AP1S3: variants seen among roughly 807,000 people sequenced by gnomAD.
AP1S3 encodes the protein adaptor related protein complex 1 subunit sigma 3.
A neutral mutation model predicts 20.9 loss-of-function variants in AP1S3; 10 were observed. The observed-to-expected ratio is 0.48, with a 90% confidence interval of 0.29 to 0.81. AP1S3 has a LOEUF of 0.81. Among genes scored for constraint, AP1S3 ranks in the 30% least tolerant of loss-of-function variants. AP1S3 has a pLI of 0.08. For synonymous variants in AP1S3, 41 were observed against 61.5 expected (o/e 0.67, Z 1.56); for missense variants, 154 against 183.8 (o/e 0.84, Z 0.94).
chr2:223,806,409 G>A (rs180811934), intron 1 of AP1S3, among the ~76,000 whole-genome samples: 76 of 149,526 alleles, frequency 5.1e-4, no homozygotes, highest in African/African-American at 1.8e-3. Context: ...TCAACCTCTC[G>A]AGTAGGTGGG....
intron 1 of AP1S3, among the ~76,000 whole-genome samples, chr2:223,835,725 C>T (rs1391864861): frequency 6.6e-6 from 1 of 152,180 alleles, no homozygotes; most frequent in Non-Finnish European, 1.5e-5. Flanking sequence ...AAACTTCCCA[C>T]ATTTCTGATC....
At chr2:223,786,766 A>G (rs1016753590) in intron 1 of AP1S3, among the ~76,000 whole-genome samples, 1 of 152,074 alleles carries the variant, frequency 6.6e-6, no homozygotes, top group African/African-American at 2.4e-5. Flanking sequence ...TTAGCCAGGC[A>G]TGGTGGCACA....
intron 1 of AP1S3, among the ~76,000 whole-genome samples, chr2:223,836,923 A>G (rs1348656214): frequency 3.9e-5 from 6 of 152,046 alleles, no homozygotes. Flanking sequence ...ATCCACCTGT[A>G]GCGCCCCTCC....
At position 223,770,195 on chromosome 2, in the gene AP1S3, A is replaced by T. The variant is rs778804019; in HGVS notation, c.292-4845T>A. 1.4e-5 allele frequency: 22 copies of T among 1,550,698 alleles called. No homozygotes were observed. The African/African-American group carries it at 1.9e-4, about 14-fold the overall frequency. On this transcript the variant is annotated intron_variant, in intron 3 of 4. Coordinates refer to ENST00000396654, the MANE Select transcript of AP1S3 (RefSeq NM_001039569.2). The stretch of plus-strand genomic sequence containing the variant: ...AAGAAGGTATGAGAAGAAAGCAGTT[A>T]CCAGAGGTCAGAAAAGGCAGAAGTC...
Position 223,816,553 on chromosome 2 carries a change from T to C in AP1S3, c.3+20895A>G, listed in dbSNP as rs187329382. ...ACAGGAGACCGTGGATAGGGTCCCATAATACCTATGTCAATGACTGAGCCC... is the reference window on the plus strand; with the variant it reads ...ACAGGAGACCGTGGATAGGGTCCCACAATACCTATGTCAATGACTGAGCCC... On this transcript the variant is annotated intron_variant, in intron 1 of 4. Transcript: ENST00000396654. Among the ~76,000 whole-genome samples, 63 of 152,298 alleles carry C rather than the reference T, an allele frequency of 4.1e-4. 1 individual carries two copies. Among genetic ancestry groups the C allele is most frequent in the South Asian group, 3.5e-3 (17 of 4,822 alleles).
Position 223,776,020 on chromosome 2 carries a change from A to G in AP1S3, c.183-11T>C. On this transcript the variant is annotated splice_polypyrimidine_tract_variant and intron_variant, in intron 2 of 4. Coordinates refer to ENST00000396654, the MANE Select transcript of AP1S3 (RefSeq NM_001039569.2). Reference sequence around the variant, plus strand: ...TATAAACTAGCATACCTTGAAATGAAAAATAACAAAAGCAAAATATGACAA... The same window carrying G: ...TATAAACTAGCATACCTTGAAATGAGAAATAACAAAAGCAAAATATGACAA... 1 of 1,607,452 alleles carries G rather than the reference A, an allele frequency of 6.2e-7. No homozygotes were observed. Among genetic ancestry groups the G allele is most frequent in the Non-Finnish European group, 8.5e-7 (1 of 1,174,960 alleles).
chr2:223,830,782 C>A (rs1692239043), intron 1 of AP1S3, among the ~76,000 whole-genome samples: 1 of 152,156 alleles, frequency 6.6e-6, no homozygotes, highest in Admixed American at 6.6e-5. Context: ...TCTTAACTGA[C>A]TGTACTAGGT....
chr2:223,781,109 G>A (rs1010338029), intron 1 of AP1S3, among the ~76,000 whole-genome samples: 2 of 152,014 alleles, frequency 1.3e-5, no homozygotes, highest in African/African-American at 4.8e-5. Flanking sequence ...TGCTGCAGAG[G>A]ACATGATTTT....
intron 1 of AP1S3, among the ~76,000 whole-genome samples, chr2:223,817,447 A>T (rs1280077496): frequency 1.3e-5 from 2 of 151,892 alleles, no homozygotes; most frequent in African/African-American, 4.8e-5. Context: ...CGTCTCTACT[A>T]AAAATACAAA....
intron 1 of AP1S3, among the ~76,000 whole-genome samples, chr2:223,802,962 T>G (rs2106112220): frequency 6.6e-6 from 1 of 152,342 alleles, no homozygotes; most frequent in Admixed American, 6.5e-5. Context: ...ATTACTACAA[T>G]TAACTTAATT....
chr2:223,821,259 G>A (rs1346682629), intron 1 of AP1S3, among the ~76,000 whole-genome samples: 2 of 152,148 alleles, frequency 1.3e-5, no homozygotes, highest in Non-Finnish European at 2.9e-5. Flanking sequence ...AGATTCAAGC[G>A]ATTTTCCTGC....
intron 1 of AP1S3, among the ~76,000 whole-genome samples, chr2:223,800,230 GA>G (rs764048681): frequency 5.6e-5 from 8 of 143,264 alleles, no homozygotes; most frequent in East Asian, 4.1e-4. Flanking sequence ...AAAAAAAAAA[GA>G]AAAAAAATCA....
intron 1 of AP1S3, among the ~76,000 whole-genome samples, chr2:223,790,985 T>C (rs1361568483): frequency 3.3e-5 from 5 of 152,116 alleles, no homozygotes; most frequent in Non-Finnish European, 7.4e-5. Context: ...ATTGGATCCC[T>C]GAATAGACCA....
chr2:223,786,335 AG>A (rs1197630445), intron 1 of AP1S3, among the ~76,000 whole-genome samples: 2 of 152,334 alleles, frequency 1.3e-5, no homozygotes, highest in African/African-American at 4.8e-5. Flanking sequence ...AATAAACTGA[AG>A]AAAGTGAAAG....
intron 1 of AP1S3, among the ~76,000 whole-genome samples, chr2:223,795,231 A>G (rs1476009672): frequency 6.6e-6 from 1 of 152,176 alleles, no homozygotes; most frequent in Non-Finnish European, 1.5e-5. Flanking sequence ...CCTGGGCAAC[A>G]AGAGAGAAAC....
chr2:223,777,978 G>A (rs1342622386), intron 1 of AP1S3, 109 bp from the exon 2 acceptor site: 22 of 989,966 alleles, frequency 2.2e-5, no homozygotes, highest in African/African-American at 5.0e-5. Context: ...AATTCTGAAC[G>A]GATGAAAAAA....
At chr2:223,775,204 G>A (rs1251736786) in intron 3 of AP1S3, among the ~76,000 whole-genome samples, 1 of 152,232 alleles carries the variant, frequency 6.6e-6, no homozygotes, top group Non-Finnish European at 1.5e-5. Context: ...ATGGACCCAT[G>A]CTGTAAGCAC....
chr2:223,814,466 T>A (rs971615882), intron 1 of AP1S3, among the ~76,000 whole-genome samples: 5 of 152,170 alleles, frequency 3.3e-5, no homozygotes, highest in African/African-American at 1.2e-4. Context: ...TTCTCAGGCA[T>A]CACCTAATTC....
intron 1 of AP1S3, among the ~76,000 whole-genome samples, chr2:223,815,079 C>T (rs1325334393): frequency 6.6e-6 from 1 of 152,200 alleles, no homozygotes; most frequent in Non-Finnish European, 1.5e-5. Flanking sequence ...TGGCCCCAAT[C>T]TTTATTTTAA....
Sources: allele counts gnomAD v4.1 joint callset (sites outside exome capture counted in the v4.1 genomes callset), GRCh38; gene constraint gnomAD v4.1.1; transcripts MANE v1.5; gene names NCBI Gene and HGNC (gene_info 2026-07-23, HGNC 2026-07-21).